RBFOX1: variants seen among roughly 807,000 people sequenced by gnomAD.
The protein encoded by RBFOX1 is RNA binding fox-1 homolog 1, also known as RNA binding protein fox-1 homolog 1.
A neutral mutation model predicts 57.7 loss-of-function variants in RBFOX1; 8 were observed. The ratio of observed to expected loss-of-function variants is 0.14; its 90% CI spans 0.08 to 0.25. The LOEUF is 0.25. Ranked by LOEUF, RBFOX1 falls within the 10% of genes least tolerant of loss-of-function variation. The probability of loss-of-function intolerance (pLI) is 1.00; values close to 1 mark genes in which losing one functional copy is unlikely to be tolerated. For missense variants in RBFOX1, 611 were observed against 548.5 expected, an observed-to-expected ratio of 1.11 and a Z score of -1.14; for synonymous variants, 326 against 222.4, an observed-to-expected ratio of 1.47 and a Z score of -4.15.
At chr16:6,580,674 A>T (rs1009782341) in intron 2 of RBFOX1, among the ~76,000 whole-genome samples, 1 of 152,178 alleles carries the variant, frequency 6.6e-6, no homozygotes, top group Non-Finnish European at 1.5e-5. Flanking sequence ...CTCAGACATA[A>T]ACCTGCAAGG....
intron 3 of RBFOX1, among the ~76,000 whole-genome samples, chr16:7,044,825 A>G: frequency 6.6e-6 from 1 of 152,158 alleles, no homozygotes; most frequent in East Asian, 1.9e-4. Context: ...CACAGACTGT[A>G]GGGAGTTACA....
At chr16:7,051,365 A>G (rs2050013303) in intron 3 of RBFOX1, among the ~76,000 whole-genome samples, 1 of 152,148 alleles carries the variant, frequency 6.6e-6, no homozygotes. Context: ...TTATATGGCC[A>G]CTCCAAAGAA....
chr16:7,187,135 C>G (rs868727245), intron 4 of RBFOX1, among the ~76,000 whole-genome samples: 1 of 151,792 alleles, frequency 6.6e-6, no homozygotes, highest in East Asian at 1.9e-4. Context: ...TGCCACTGCA[C>G]TCCAGCTTGG....
chr16:6,909,208 C>T (rs906126653), intron 3 of RBFOX1, among the ~76,000 whole-genome samples: 21 of 152,128 alleles, frequency 1.4e-4, no homozygotes, highest in African/African-American at 4.6e-4. Flanking sequence ...CTCCCTTTGC[C>T]GGTTTCTAGA....
At chr16:6,630,480 A>C (rs1239550174) in intron 2 of RBFOX1, among the ~76,000 whole-genome samples, 6 of 152,168 alleles carry the variant, frequency 3.9e-5, no homozygotes, top group Non-Finnish European at 8.8e-5. Context: ...AGGCACTGTT[A>C]AAATTTCCTT....
intron 12 of RBFOX1, among the ~76,000 whole-genome samples, chr16:7,661,442 G>A (rs866896297): frequency 6.6e-6 from 1 of 152,080 alleles, no homozygotes; most frequent in South Asian, 2.1e-4. Context: ...ACCACCCTTT[G>A]CCTTGACAGC....
chr16:5,660,139 G>C (rs2049597355), intron 3 of RBFOX1, among the ~76,000 whole-genome samples: 1 of 152,192 alleles, frequency 6.6e-6, no homozygotes, highest in Non-Finnish European at 1.5e-5. Context: ...CATTTGGCGA[G>C]AATGGGACTC....
chr16:6,996,122 T>C (rs1234010432), intron 3 of RBFOX1, among the ~76,000 whole-genome samples: 8 of 152,324 alleles, frequency 5.3e-5, no homozygotes, highest in Non-Finnish European at 1.2e-4. Context: ...TCAAGAACAT[T>C]TTATTGTATC....
intron 4 of RBFOX1, among the ~76,000 whole-genome samples, chr16:7,156,137 C>T (rs1211174192): frequency 1.3e-5 from 2 of 151,964 alleles, no homozygotes; most frequent in African/African-American, 2.4e-5. Flanking sequence ...CTTCAAGGTG[C>T]TGGGATCACA....
chr16:6,301,525 G>C (rs1236862553), intron 1 of RBFOX1, among the ~76,000 whole-genome samples: 1 of 152,082 alleles, frequency 6.6e-6, no homozygotes, highest in African/African-American at 2.4e-5. Context: ...GGAGATGTGA[G>C]TAAAATTAAC....
chr16:5,708,675 A>G (rs2051341521), intron 3 of RBFOX1, among the ~76,000 whole-genome samples: 1 of 152,128 alleles, frequency 6.6e-6, no homozygotes. Flanking sequence ...ACTGCACAAC[A>G]CATGCCACCT....
At chr16:7,114,105 G>GA (rs1452098746) in intron 4 of RBFOX1, among the ~76,000 whole-genome samples, 2 of 152,092 alleles carry the variant, frequency 1.3e-5, no homozygotes, top group Non-Finnish European at 2.9e-5. Context: ...GCTATTTTAA[G>GA]AAAAAAGAAA....
chr16:5,515,902 A>G (rs551076940), intron 2 of RBFOX1, among the ~76,000 whole-genome samples: 1 of 152,168 alleles, frequency 6.6e-6, no homozygotes, highest in Non-Finnish European at 1.5e-5. Flanking sequence ...CAGTAACACA[A>G]TGAGGTAGTC....
intron 3 of RBFOX1, among the ~76,000 whole-genome samples, chr16:5,711,090 G>T (rs1450736635): frequency 6.6e-6 from 1 of 152,200 alleles, no homozygotes; most frequent in East Asian, 1.9e-4. Flanking sequence ...TCAAATTATT[G>T]TAGTAATGAT....
intron 14 of RBFOX1, among the ~76,000 whole-genome samples, chr16:7,689,727 A>G (rs1319708223): frequency 2.0e-5 from 3 of 152,040 alleles, no homozygotes; most frequent in African/African-American, 7.2e-5. Flanking sequence ...AAAAATGGAA[A>G]AACCCAAGCA....
intron 3 of RBFOX1, among the ~76,000 whole-genome samples, chr16:6,898,392 A>C (rs1596518988): frequency 6.6e-6 from 1 of 152,080 alleles, no homozygotes; most frequent in Admixed American, 6.6e-5. Flanking sequence ...TATTGAGTGC[A>C]CCCCAGCCCC....
At chr16:5,544,118 T>G (rs991305414) in intron 2 of RBFOX1, among the ~76,000 whole-genome samples, 1 of 152,194 alleles carries the variant, frequency 6.6e-6, no homozygotes. Flanking sequence ...ACACATTCTT[T>G]CTGAGTGCAC....
intron 2 of RBFOX1, among the ~76,000 whole-genome samples, chr16:5,590,572 G>T (rs117218078): frequency 6.6e-6 from 1 of 152,144 alleles, no homozygotes; most frequent in South Asian, 2.1e-4. Flanking sequence ...GATTCGGGGC[G>T]TGATGGAGGA....
In RBFOX1 at chr16:7,041,621, A is replaced by C. The variant is rs189245801; in HGVS notation, c.-15-10436A>C. Among the ~76,000 whole-genome samples the C allele has an allele frequency of 1.3e-3, 197 of 152,274 alleles. 1 individual carries two copies. The highest frequency in any genetic ancestry group is 3.5e-3 in the South Asian group (17 of 4,820). On this transcript the variant is annotated intron_variant, in intron 3 of 15. Coordinates refer to ENST00000550418, the MANE Select transcript of RBFOX1 (RefSeq NM_018723.4). ...TAACTGCCAGCTGCCCCCTCGAAAC[A>C]GTCAGTACCAATTTACCACCCTTCT... is the stretch of plus-strand genomic sequence containing the variant.
Sources: gnomAD v4.1 joint callset for allele counts (sites outside exome capture counted in the v4.1 genomes callset) on GRCh38, gnomAD v4.1.1 for gene constraint, MANE v1.5 for transcripts, NCBI Gene and HGNC (gene_info 2026-07-23, HGNC 2026-07-21) for gene names.